TNKS: variants seen among roughly 807,000 people sequenced by gnomAD.
The protein encoded by TNKS is poly [ADP-ribose] polymerase tankyrase-1.
TNKS carries 72 observed loss-of-function variants against 135.8 expected under a neutral mutation model. That is an observed-to-expected ratio of 0.53 (90% CI 0.44 to 0.64). TNKS has a LOEUF of 0.64. TNKS is among the 30% of genes least tolerant of loss of function. TNKS has a pLI of 0.00. For synonymous variants in TNKS, 849 were observed against 649.3 expected (o/e 1.31, Z -4.68); for missense variants, 1,769 against 1,674.0 (o/e 1.06, Z -0.99).
In TNKS at chr8:9,776,725, CAGA is replaced by C; in HGVS notation, c.3977_3979del (p.Lys1326del). On this transcript the variant is annotated inframe_deletion, in exon 27 of 27. Transcript: ENST00000310430. ...TTCCCAGACCGCAACAGCCGCAGAG[CAGA>C]AGACCTAGTGAATGCCTGCTGGTGA... The C allele has an allele frequency of 6.2e-7, 1 of 1,613,914 alleles. No homozygotes were observed. The highest frequency in any genetic ancestry group is 8.5e-7 in the Non-Finnish European group (1 of 1,179,856).
intron 20 of TNKS, among the ~76,000 whole-genome samples, chr8:9,756,963 TTTTG>T (rs1056089873): frequency 8.6e-5 from 13 of 151,502 alleles, no homozygotes; most frequent in African/African-American, 2.4e-4. Context: ...CTTTTTTTGT[TTTTG>T]TTTGTTTTTT....
chr8:9,767,270 G>T (rs112015340), intron 25 of TNKS, among the ~76,000 whole-genome samples: 2,389 of 152,202 alleles, frequency 0.016, 36 homozygotes, highest in African/African-American at 0.039. Context: ...CTCAAAAATT[G>T]GAGAGAATAA....
chr8:9,707,823 A>G (rs1487378957), intron 8 of TNKS, among the ~76,000 whole-genome samples: 1 of 152,168 alleles, frequency 6.6e-6, no homozygotes, highest in East Asian at 1.9e-4. Context: ...TTCTGTGTCA[A>G]GACCTAATCA....
At chr8:9,718,433 T>C (rs572805010) in intron 11 of TNKS, among the ~76,000 whole-genome samples, 2 of 152,306 alleles carry the variant, frequency 1.3e-5, no homozygotes, top group South Asian at 2.1e-4. Flanking sequence ...GAGACTAGGC[T>C]GTTCACACTG....
intron 2 of TNKS, among the ~76,000 whole-genome samples, chr8:9,599,920 G>T (rs1295034947): frequency 6.6e-6 from 1 of 152,150 alleles, no homozygotes; most frequent in Admixed American, 6.5e-5. Context: ...TGAAGGAGAT[G>T]CATTTAACTC....
At chr8:9,594,253 T>C (rs1451323023) in intron 2 of TNKS, among the ~76,000 whole-genome samples, 2 of 152,314 alleles carry the variant, frequency 1.3e-5, no homozygotes, top group East Asian at 3.9e-4. Context: ...CTTAACAGCA[T>C]TATTAGAAGT....
chr8:9,556,641 G>A lies in TNKS; in HGVS notation c.673+29G>A, dbSNP rs749113162. 2.5e-6 allele frequency: 4 copies of A among 1,611,638 alleles called. No individual in the cohort carries two copies. The African/African-American group carries it at 5.3e-5, about 21-fold the overall frequency. ...AGAGACTTTTGAATTGTTTATTAAG[G>A]GTTATGGGTTTGGGTGCAGGGTCCG... On this transcript the variant is annotated intron_variant, in intron 1 of 26. Coordinates refer to ENST00000310430, the MANE Select transcript of TNKS (RefSeq NM_003747.3).
At chr8:9,666,275 T>A (rs766139892) in intron 3 of TNKS, among the ~76,000 whole-genome samples, 1 of 152,236 alleles carries the variant, frequency 6.6e-6, no homozygotes, top group South Asian at 2.1e-4. Context: ...AAAACTCATG[T>A]CTTTTTTAAA....
intron 12 of TNKS, among the ~76,000 whole-genome samples, chr8:9,720,998 T>C (rs1284513979): frequency 9.9e-5 from 15 of 152,220 alleles, no homozygotes; most frequent in Non-Finnish European, 4.4e-5. Context: ...AATATAATTA[T>C]AGGCCGGGCA....
chr8:9,595,366 A>G (rs1798741578), intron 2 of TNKS, among the ~76,000 whole-genome samples: 1 of 152,112 alleles, frequency 6.6e-6, no homozygotes, highest in Non-Finnish European at 1.5e-5. Flanking sequence ...CAGAGAAGAG[A>G]GGCCCAGAAT....
At chr8:9,599,488 G>A (rs552497637) in intron 2 of TNKS, among the ~76,000 whole-genome samples, 32 of 152,294 alleles carry the variant, frequency 2.1e-4, no homozygotes, top group African/African-American at 7.5e-4. Flanking sequence ...GGATTGAGCA[G>A]TATTCTAAAA....
In TNKS at chr8:9,706,861, C is replaced by T. The variant is rs374645879; in HGVS notation, c.1320C>T (p.His440=). Residue 440 remains histidine (H), a synonymous_variant, in exon 8 of 27, where the codon CAC becomes CAT. Transcript: ENST00000310430. ...ATCTCTGGCAGTTTACTCCACTGCA[C>T]GAGGCTGCTTCCAAGAACCGTGTAG... ...AMDLWQFTPL[H]EAASKNRVEV... The T allele has an allele frequency of 2.6e-5, 42 of 1,613,764 alleles. No homozygotes were observed. The highest frequency in any genetic ancestry group is 1.8e-4 in the East Asian group (8 of 44,876).
intron 1 of TNKS, among the ~76,000 whole-genome samples, chr8:9,575,770 A>G (rs917261624): frequency 1.3e-5 from 2 of 152,336 alleles, no homozygotes; most frequent in African/African-American, 4.8e-5. Flanking sequence ...CTTAGTAAAC[A>G]TAGGAACAGA....
intron 16 of TNKS, 93 bp downstream of exon 16, chr8:9,735,177 G>T: frequency 7.8e-7 from 1 of 1,283,964 alleles, no homozygotes. Context: ...AACACAAATG[G>T]GACTACTTAG....
intron 3 of TNKS, among the ~76,000 whole-genome samples, chr8:9,665,509 G>A (rs1801943472): frequency 6.6e-6 from 1 of 152,138 alleles, no homozygotes; most frequent in African/African-American, 2.4e-5. Context: ...CCTTGTCCAG[G>A]ACTTCAGAGT....
chr8:9,762,248 C>A (rs1426521670), intron 21 of TNKS, among the ~76,000 whole-genome samples: 1 of 152,136 alleles, frequency 6.6e-6, no homozygotes, highest in Non-Finnish European at 1.5e-5. Context: ...GTTAGAAGCA[C>A]CTTCACTATA....
intron 3 of TNKS, among the ~76,000 whole-genome samples, chr8:9,644,014 C>T (rs1800818541): frequency 2.0e-5 from 3 of 152,158 alleles, no homozygotes; most frequent in Non-Finnish European, 2.9e-5. Context: ...TGGAATAAGA[C>T]AGTCACAAAA....
intron 3 of TNKS, among the ~76,000 whole-genome samples, chr8:9,635,224 A>G (rs1391589951): frequency 6.6e-6 from 1 of 152,126 alleles, no homozygotes; most frequent in Non-Finnish European, 1.5e-5. Flanking sequence ...ATGGAGACAC[A>G]TGAAAAGAAC....
chr8:9,579,976 T>G (rs1246829199), intron 1 of TNKS, among the ~76,000 whole-genome samples, 183 bp from the exon 2 acceptor site: 1 of 152,248 alleles, frequency 6.6e-6, no homozygotes, highest in Non-Finnish European at 1.5e-5. Context: ...AAGAGCTTCC[T>G]TAGTTCTAAA....
Sources: gnomAD v4.1 joint callset for allele counts (sites outside exome capture counted in the v4.1 genomes callset) on GRCh38, gnomAD v4.1.1 for gene constraint, MANE v1.5 for transcripts, NCBI Gene and HGNC (gene_info 2026-07-23, HGNC 2026-07-21) for gene names.